The following NFATC1 variants were observed in gnomAD, a reference collection of about 807,000 sequenced individuals.
NFATC1 encodes the protein nuclear factor of activated T cells 1.
In NFATC1, 22 loss-of-function variants were observed where a neutral mutation model predicts 76.0. The observed-to-expected ratio is 0.29, with a 90% CI of 0.21 to 0.41. NFATC1 has a LOEUF of 0.41. Ranked by LOEUF, NFATC1 falls within the 10% of genes least tolerant of loss-of-function variation. The probability of loss-of-function intolerance (pLI) is 1.00; values close to 1 mark genes in which losing one functional copy is unlikely to be tolerated. For missense variants in NFATC1, 1,357 were observed against 1,337.7 expected (o/e 1.01, Z -0.23); for synonymous variants, 704 against 613.1 (o/e 1.15, Z -2.19).
chr18:79,396,733 C>A (rs1354219358), intron 1 of NFATC1, among the ~76,000 whole-genome samples: 3 of 152,116 alleles, frequency 2.0e-5, no homozygotes, highest in Non-Finnish European at 4.4e-5. Flanking sequence ...GAAGGATGCC[C>A]CGTGTCTTCC....
intron 9 of NFATC1, chr18:79,497,489 C>G (rs1380426057): frequency 1.3e-5 from 2 of 152,206 alleles, no homozygotes; most frequent in African/African-American, 4.8e-5. Flanking sequence ...TCATGGAGCT[C>G]CTGGAAAAGG....
chr18:79,425,215 GTCTC>G (rs1401683066), intron 2 of NFATC1, among the ~76,000 whole-genome samples: 1 of 135,840 alleles, frequency 7.4e-6, no homozygotes, highest in Non-Finnish European at 1.6e-5. Context: ...CCCTGTCTCT[GTCTC>G]TCTGTTTCTC....
chr18:79,519,622 A>G (rs2090465375), intron 9 of NFATC1, among the ~76,000 whole-genome samples: 1 of 152,230 alleles, frequency 6.6e-6, no homozygotes, highest in African/African-American at 2.4e-5. Flanking sequence ...TACAGGTGTG[A>G]GCCACCATGC....
At chr18:79,411,664 C>G (rs2085690791) in intron 2 of NFATC1, among the ~76,000 whole-genome samples, 163 bp downstream of exon 2, 1 of 152,174 alleles carries the variant, frequency 6.6e-6, no homozygotes, top group South Asian at 2.1e-4. Context: ...GAGGCAGAGT[C>G]TGTCCCCATG....
intron 3 of NFATC1, among the ~76,000 whole-genome samples, chr18:79,439,694 A>G (rs2086904076): frequency 6.6e-6 from 1 of 152,232 alleles, no homozygotes; most frequent in Non-Finnish European, 1.5e-5. Context: ...TCCCAGGAGC[A>G]AGAACTCTCA....
At chr18:79,469,353 A>G (rs2144943522) in intron 8 of NFATC1, 2 of 985,474 alleles carry the variant, frequency 2.0e-6, no homozygotes, top group Non-Finnish European at 2.4e-6. Context: ...GGGTTTGAGC[A>G]GCACTGACTT....
At chr18:79,527,464 G>A (rs994853452) in intron 9 of NFATC1, 64 bp from the exon 10 acceptor site, 1 of 1,343,464 alleles carries the variant, frequency 7.4e-7, no homozygotes, top group Non-Finnish European at 1.1e-6. Context: ...AAGCAGGGCT[G>A]GGGGCGTTGC....
chr18:79,479,558 A>T (rs763531412), intron 8 of NFATC1, among the ~76,000 whole-genome samples: 1 of 152,232 alleles, frequency 6.6e-6, no homozygotes, highest in East Asian at 1.9e-4. Context: ...AGCTTCTTAG[A>T]TGCTGGGGTG....
Position 79,411,392 on chromosome 18 carries a change from T to C in NFATC1, c.1117T>C (p.Ser373Pro). Residue 373 changes from serine to proline, a missense_variant, in exon 2 of 10, where the codon TCT (serine) becomes CCT (proline). Ser to Pro is a moderately conservative substitution (Grantham distance 74). This residue lies in a region of NFATC1 where 691 missense variants were observed against 613.1 expected (regional missense o/e 1.13). Coordinates refer to ENST00000427363, the MANE Select transcript of NFATC1 (RefSeq NM_001278669.2). ...PADFAPEDYS[S>P]FQHIRKGGFC... ...CGACTTCGCGCCCGAAGACTACTCCTCTTTCCAGCACATCAGGAAGGGCGG... is the reference window on the plus strand; with the variant it reads ...CGACTTCGCGCCCGAAGACTACTCCCCTTTCCAGCACATCAGGAAGGGCGG... 1 of 1,577,786 alleles carries C rather than the reference T, an allele frequency of 6.3e-7. No individual in the cohort carries two copies. The highest frequency in any genetic ancestry group is 2.2e-5 in the East Asian group (1 of 44,612).
intron 1 of NFATC1, among the ~76,000 whole-genome samples, chr18:79,397,506 G>T (rs1310441098): frequency 1.3e-5 from 2 of 152,212 alleles, no homozygotes; most frequent in Admixed American, 6.5e-5. Context: ...GGGTCCGTGT[G>T]GTCGGTGCCC....
chr18:79,469,510 C>G lies in NFATC1; in HGVS notation c.2092+1928C>G, dbSNP rs565929173. ...GCTCCTGCTACCTCCAGTCCACACC[C>G]CACCTGGCAGCCGGCCGTCCTGTCC... On this transcript the variant is annotated intron_variant, in intron 8 of 9. Transcript: ENST00000427363. 7 of 985,736 alleles carry G rather than the reference C, an allele frequency of 7.1e-6. No homozygotes were observed. In the Admixed American group the frequency reaches 3.7e-4, roughly 52 times the overall value. 61.1% of individuals were successfully genotyped at this position (985,736 alleles called of 1,614,324 possible).
chr18:79,425,071 CTCTCTGTCTCTCCA>C (rs1323789277), intron 2 of NFATC1, among the ~76,000 whole-genome samples: 39 of 124,310 alleles, frequency 3.1e-4, no homozygotes, highest in East Asian at 1.5e-3. Flanking sequence ...CTCTGTTTCT[CTCTCTGTCTCTCCA>C]TCTCTGTCTC....
At chr18:79,486,156 T>C in intron 8 of NFATC1, 92 bp from the exon 9 acceptor site, 2 of 1,154,218 alleles carry the variant, frequency 1.7e-6, no homozygotes, top group Non-Finnish European at 1.3e-6. Flanking sequence ...CAGGGCCCTG[T>C]TGGTTTTGCG....
intron 9 of NFATC1, among the ~76,000 whole-genome samples, chr18:79,522,873 AAC>A (rs1184153080): frequency 1.3e-5 from 2 of 152,170 alleles, no homozygotes; most frequent in African/African-American, 4.8e-5. Flanking sequence ...TGAAAGAAAA[AAC>A]ACACATCTAA....
At chr18:79,482,643 T>TTCCTGGGGTGTAATTCCAGCGTGACCTGG (rs1201196966) in intron 8 of NFATC1, among the ~76,000 whole-genome samples, 29 of 137,708 alleles carry the variant, frequency 2.1e-4, no homozygotes, top group African/African-American at 7.4e-4. Context: ...CGTGACCTCG[T>TTCCTGGGGTGTAATTCCAGCGTGACCTGG]TCCTGGGGTG....
chr18:79,454,563 G>A (rs906551734), intron 6 of NFATC1, among the ~76,000 whole-genome samples: 3 of 152,206 alleles, frequency 2.0e-5, no homozygotes, highest in African/African-American at 7.2e-5. Flanking sequence ...AGCAGGGCAG[G>A]AGGAGGGTGG....
intron 9 of NFATC1, among the ~76,000 whole-genome samples, chr18:79,488,544 A>G (rs2089589806): frequency 6.6e-6 from 1 of 152,206 alleles, no homozygotes; most frequent in South Asian, 2.1e-4. Context: ...TCCTGTGCAG[A>G]TGTCGTCCTG....
At chr18:79,491,736 C>T (rs1001477824) in intron 9 of NFATC1, among the ~76,000 whole-genome samples, 4 of 152,228 alleles carry the variant, frequency 2.6e-5, no homozygotes, top group Admixed American at 2.6e-4. Flanking sequence ...GTCTCCAGCC[C>T]TCTGCGAACC....
At chr18:79,398,581 C>A (rs973600582) in intron 1 of NFATC1, among the ~76,000 whole-genome samples, 22 of 152,196 alleles carry the variant, frequency 1.4e-4, no homozygotes, top group African/African-American at 5.3e-4. Flanking sequence ...GCCGCCCCAC[C>A]GACCCCTTCT....
Sources: gnomAD v4.1 joint callset for allele counts (sites outside exome capture counted in the v4.1 genomes callset) on GRCh38, gnomAD v4.1.1 for gene constraint, gnomAD v4.1.1 regional missense constraint, MANE v1.5 for transcripts, NCBI Gene and HGNC (gene_info 2026-07-23, HGNC 2026-07-21) for gene names.